Variants in SEMA5A observed in about 807,000 individuals in gnomAD.
The protein encoded by SEMA5A is semaphorin 5A.
In SEMA5A, 55 loss-of-function variants were observed where a neutral mutation model predicts 135.5. The observed-to-expected ratio is 0.41, with a 90% CI of 0.33 to 0.51. The LOEUF is 0.51. Among genes scored for constraint, SEMA5A ranks in the 20% least tolerant of loss-of-function variants. The pLI, the probability that SEMA5A is intolerant of heterozygous loss-of-function variation, is 0.37. For missense variants in SEMA5A, 1,290 were observed against 1,419.9 expected, an observed-to-expected ratio of 0.91 and a Z score of 1.47; for synonymous variants, 580 against 546.5, an observed-to-expected ratio of 1.06 and a Z score of -0.85.
intron 11 of SEMA5A, among the ~76,000 whole-genome samples, chr5:9,165,447 A>C (rs761554713): frequency 1.1e-4 from 17 of 152,318 alleles, no homozygotes; most frequent in Non-Finnish European, 1.3e-4. Context: ...GTATTTTTAA[A>C]ATTATTCAGC....
intron 5 of SEMA5A, among the ~76,000 whole-genome samples, chr5:9,268,870 C>A (rs1749821546): frequency 2.0e-5 from 3 of 152,042 alleles, no homozygotes. Flanking sequence ...AAATTATTAT[C>A]TGTGTTTTAA....
chr5:9,494,556 C>T (rs1023019386), intron 1 of SEMA5A, among the ~76,000 whole-genome samples: 2 of 152,152 alleles, frequency 1.3e-5, no homozygotes, highest in Non-Finnish European at 2.9e-5. Flanking sequence ...CCCTGATCTT[C>T]TCACTTAGTA....
intron 1 of SEMA5A, among the ~76,000 whole-genome samples, chr5:9,528,548 T>C (rs1336554757): frequency 6.6e-6 from 1 of 152,180 alleles, no homozygotes; most frequent in Non-Finnish European, 1.5e-5. Context: ...ACAGTGGAAG[T>C]GGTCCTATGC....
chr5:9,459,444 G>A (rs1181565245), intron 1 of SEMA5A, among the ~76,000 whole-genome samples: 2 of 152,234 alleles, frequency 1.3e-5, no homozygotes, highest in African/African-American at 2.4e-5. Context: ...ACAAGGAAGT[G>A]CAGGCAGCCT....
Position 9,122,870 on chromosome 5 carries a change from A to G in SEMA5A, c.1600-33T>C, listed in dbSNP as rs1247413503. 1.9e-6 allele frequency: 3 copies of G among 1,557,532 alleles called. No homozygotes were observed. The African/African-American group carries it at 4.1e-5, about 21-fold the overall frequency. On this transcript the variant is annotated intron_variant, in intron 13 of 22. Transcript: ENST00000382496. Reference sequence around the variant, plus strand: ...GCAAAACCAAGCAGAGGTGTCAGAAAAGGTTAAAGCTGAACACATAATGGA... The same window carrying G: ...GCAAAACCAAGCAGAGGTGTCAGAAGAGGTTAAAGCTGAACACATAATGGA...
At chr5:9,353,098 G>GAAAGGGAAAGGAAAGGAAAGGAAAGGA (rs1378151075) in intron 3 of SEMA5A, among the ~76,000 whole-genome samples, 431 of 21,782 alleles carry the variant, frequency 0.02, 158 homozygotes, top group Non-Finnish European at 0.025. Flanking sequence ...GGAAAGGAAG[G>GAAAGGGAAAGGAAAGGAAAGGAAAGGA]AAGGAAAGGA....
chr5:9,284,774 G>A (rs1369133043), intron 5 of SEMA5A, among the ~76,000 whole-genome samples: 1 of 152,132 alleles, frequency 6.6e-6, no homozygotes, highest in Non-Finnish European at 1.5e-5. Flanking sequence ...TTAGCTGGAA[G>A]AAGCCTACCA....
At chr5:9,168,505 C>T (rs1043147488) in intron 11 of SEMA5A, among the ~76,000 whole-genome samples, 2 of 152,172 alleles carry the variant, frequency 1.3e-5, no homozygotes, top group Non-Finnish European at 1.5e-5. Context: ...CTTTATGTGT[C>T]TTCATCATTG....
Position 9,412,490 on chromosome 5 carries a change from CTTT to C in SEMA5A, c.-78+25263_-78+25265del, listed in dbSNP as rs34854075. Reference sequence around the variant, plus strand: ...TTGTTATTCCTCTACTACTTCATTGCTTTTTTTTTTTTTTTTTCACATGGAACA... The same window carrying C: ...TTGTTATTCCTCTACTACTTCATTGCTTTTTTTTTTTTTTCACATGGAACA... On this transcript the variant is annotated intron_variant, in intron 2 of 22. Transcript: ENST00000382496. 1.6e-3 allele frequency among the ~76,000 whole-genome samples: 166 copies of C among 103,018 alleles called. 1 individual carries two copies. The South Asian group carries it at 0.017, about 11-fold the overall frequency. 67.6% of individuals were successfully genotyped at this position (103,018 alleles called of 152,430 possible).
chr5:9,163,930 T>C (rs1743437972), intron 11 of SEMA5A, among the ~76,000 whole-genome samples: 2 of 150,126 alleles, frequency 1.3e-5, no homozygotes, highest in African/African-American at 4.9e-5. Flanking sequence ...TTTAAGCTGC[T>C]CAGTCTATGG....
chr5:9,277,699 G>T (rs1382102405), intron 5 of SEMA5A, among the ~76,000 whole-genome samples: 1 of 152,130 alleles, frequency 6.6e-6, no homozygotes, highest in African/African-American at 2.4e-5. Context: ...ATCATTCTCA[G>T]TAAACTAACA....
intron 5 of SEMA5A, among the ~76,000 whole-genome samples, chr5:9,289,842 A>C (rs1750990757): frequency 2.0e-5 from 3 of 152,176 alleles, no homozygotes. Context: ...AAGATTAAAA[A>C]ATGAGCTTAA....
chr5:9,327,454 T>A (rs1461210210), intron 4 of SEMA5A, among the ~76,000 whole-genome samples: 1 of 152,180 alleles, frequency 6.6e-6, no homozygotes, highest in African/African-American at 2.4e-5. Context: ...CTTAAAAGTC[T>A]TGGTTATTAG....
At chr5:9,450,509 C>T (rs440396) in intron 1 of SEMA5A, among the ~76,000 whole-genome samples, 13,631 of 152,028 alleles carry the variant, frequency 0.09, 697 homozygotes, top group Middle Eastern at 0.17. Flanking sequence ...CCCATTCTCC[C>T]TCCATAATCA....
intron 2 of SEMA5A, among the ~76,000 whole-genome samples, chr5:9,385,241 T>C (rs1374916782): frequency 3.9e-5 from 6 of 152,160 alleles, no homozygotes; most frequent in African/African-American, 1.2e-4. Flanking sequence ...ACATTTCTCA[T>C]TCACTCCCAC....
At chr5:9,162,412 A>G (rs4702611) in intron 11 of SEMA5A, among the ~76,000 whole-genome samples, 9,740 of 115,344 alleles carry the variant, frequency 0.084, 400 homozygotes, top group African/African-American at 0.2. Flanking sequence ...GTGTATATAT[A>G]TGTGTGTGTA....
At position 9,280,752 on chromosome 5, in the gene SEMA5A, C is replaced by T. The variant is rs116066869; in HGVS notation, c.270+37620G>A. ...AGGACTCTCAAGTTAACCAGGCTTG[C>T]TAAGATGAGAACATCACTGACAACA... On this transcript the variant is annotated intron_variant, in intron 5 of 22. Coordinates refer to ENST00000382496, the MANE Select transcript of SEMA5A (RefSeq NM_003966.3). The T allele has an allele frequency of 4.0e-3, 1,515 of 382,596 alleles. 17 individuals carry two copies. The highest frequency in any genetic ancestry group is 0.03 in the African/African-American group (1,406 of 47,470). The allele number at this position is 382,596 out of a possible 1,614,324, so 23.7% of individuals were successfully genotyped here.
intron 1 of SEMA5A, among the ~76,000 whole-genome samples, chr5:9,490,147 A>G (rs535370391): frequency 6.6e-5 from 10 of 152,328 alleles, no homozygotes; most frequent in African/African-American, 2.4e-4. Flanking sequence ...CATTTAACAA[A>G]TAAGATTGTC....
rs572636497 is a variant in SEMA5A, at chr5:9,056,707, C to T, written c.2519-2450G>A. Among the ~76,000 whole-genome samples the T allele has an allele frequency of 5.3e-5, 8 of 152,216 alleles. No homozygotes were observed. In the South Asian group the frequency reaches 6.2e-4, roughly 12 times the overall value. On this transcript the variant is annotated intron_variant, in intron 18 of 22. Coordinates refer to ENST00000382496, the MANE Select transcript of SEMA5A (RefSeq NM_003966.3). ...AATGCATCCAGCATGGCTGACACAG[C>T]GAGACTCCATCACAAAATAAAAAAA...
Sources: allele counts gnomAD v4.1 joint callset (sites outside exome capture counted in the v4.1 genomes callset), GRCh38; gene constraint gnomAD v4.1.1; transcripts MANE v1.5; gene names NCBI Gene and HGNC (gene_info 2026-07-23, HGNC 2026-07-21).